CATSPERB: variants seen among roughly 807,000 people sequenced by gnomAD.
The protein encoded by CATSPERB is cation channel sperm-associated auxiliary subunit beta.
A neutral mutation model predicts 128.3 loss-of-function variants in CATSPERB; 93 were observed. The observed-to-expected ratio is 0.72, with a 90% CI of 0.61 to 0.86. CATSPERB has a LOEUF of 0.86. Ranked by LOEUF, CATSPERB falls within the 40% of genes least tolerant of loss-of-function variation. CATSPERB has a pLI of 0.00. For missense variants in CATSPERB, 1,153 were observed against 1,329.5 expected, an observed-to-expected ratio of 0.87 and a Z score of 2.06; for synonymous variants, 381 against 448.8, an observed-to-expected ratio of 0.85 and a Z score of 1.91.
intron 17 of CATSPERB, among the ~76,000 whole-genome samples, chr14:91,630,530 G>A (rs112575733): frequency 2.9e-4 from 44 of 152,204 alleles, no homozygotes; most frequent in African/African-American, 9.4e-4. Flanking sequence ...TTTTCGTCTC[G>A]GAAAATGGCG....
intron 10 of CATSPERB, among the ~76,000 whole-genome samples, chr14:91,690,534 C>T (rs1895448470): frequency 6.6e-6 from 1 of 152,212 alleles, no homozygotes; most frequent in Non-Finnish European, 1.5e-5. Context: ...ATTCTCTTTT[C>T]ACTCTCATTC....
chr14:91,649,486 CTTGTA>C (rs1215313633), intron 15 of CATSPERB, among the ~76,000 whole-genome samples: 1 of 146,938 alleles, frequency 6.8e-6, no homozygotes, highest in African/African-American at 2.6e-5. Flanking sequence ...CTTTTTAAGA[CTTGTA>C]TTGTACACAC....
intron 1 of CATSPERB, among the ~76,000 whole-genome samples, chr14:91,730,376 C>G (rs1896191949): frequency 6.6e-6 from 1 of 152,192 alleles, no homozygotes; most frequent in Non-Finnish European, 1.5e-5. Context: ...CAGTTCCTTC[C>G]TCATGGCCCT....
intron 6 of CATSPERB, among the ~76,000 whole-genome samples, chr14:91,706,602 T>A (rs1895736879): frequency 6.6e-6 from 1 of 152,134 alleles, no homozygotes; most frequent in South Asian, 2.1e-4. Context: ...AATGAGTGGT[T>A]TGGGGTGTGG....
intron 24 of CATSPERB, 94 bp downstream of exon 24, chr14:91,589,440 T>G: frequency 1.6e-6 from 2 of 1,262,118 alleles, no homozygotes; most frequent in East Asian, 4.9e-5. Flanking sequence ...TGGCTCTCTT[T>G]TGTGTGAACA....
intron 5 of CATSPERB, among the ~76,000 whole-genome samples, chr14:91,716,756 C>T (rs959282806): frequency 5.9e-5 from 9 of 151,410 alleles, no homozygotes; most frequent in Non-Finnish European, 1.2e-4. Flanking sequence ...CACAGACACA[C>T]ACACATACAC....
chr14:91,604,858 C>A lies in CATSPERB; in HGVS notation c.2709+3436G>T, dbSNP rs1595142397. 4 of 1,420,504 alleles carry A rather than the reference C, an allele frequency of 2.8e-6. No homozygotes were observed. In the East Asian group the frequency reaches 9.1e-5, roughly 32 times the overall value. The allele number at this position is 1,420,504 out of a possible 1,614,324, so 88.0% of individuals were successfully genotyped here. A position where few individuals can be genotyped will look rare whatever the true frequency, so the allele number is the denominator to read the frequency against. On this transcript the variant is annotated intron_variant, in intron 22 of 26. Coordinates refer to ENST00000256343, the MANE Select transcript of CATSPERB (RefSeq NM_024764.4). Reference sequence around the variant, plus strand: ...TGCTATTCTTTGGCCAGTTGTTTTCCTGCCACCTCTTAGATTTCATTCTCT... The same window carrying A: ...TGCTATTCTTTGGCCAGTTGTTTTCATGCCACCTCTTAGATTTCATTCTCT...
At chr14:91,630,112 T>C (rs1894247384) in intron 17 of CATSPERB, among the ~76,000 whole-genome samples, 1 of 152,212 alleles carries the variant, frequency 6.6e-6, no homozygotes, top group Non-Finnish European at 1.5e-5. Flanking sequence ...GGTCACATCT[T>C]TATTCTTATT....
intron 7 of CATSPERB, among the ~76,000 whole-genome samples, chr14:91,698,752 A>G (rs1157764047): frequency 6.6e-6 from 1 of 152,196 alleles, no homozygotes; most frequent in African/African-American, 2.4e-5. Context: ...TTTTTGTTAC[A>G]TGGATGAATT....
At chr14:91,712,711 G>C (rs1478169282) in intron 5 of CATSPERB, among the ~76,000 whole-genome samples, 1 of 152,002 alleles carries the variant, frequency 6.6e-6, no homozygotes, top group African/African-American at 2.4e-5. Context: ...CAGAATCAGG[G>C]GAGCCTACTC....
At chr14:91,679,612 C>G (rs1356573248) in intron 11 of CATSPERB, among the ~76,000 whole-genome samples, 1 of 152,142 alleles carries the variant, frequency 6.6e-6, no homozygotes, top group Non-Finnish European at 1.5e-5. Flanking sequence ...CTATGTTGCC[C>G]TTAAAGTCTT....
chr14:91,684,574 T>C (rs1895341272), intron 10 of CATSPERB, among the ~76,000 whole-genome samples: 1 of 151,608 alleles, frequency 6.6e-6, no homozygotes, highest in Non-Finnish European at 1.5e-5. Flanking sequence ...TGATATCTAA[T>C]GACAAAACTT....
At chr14:91,675,909 A>T (rs1293376311) in intron 11 of CATSPERB, among the ~76,000 whole-genome samples, 1 of 152,200 alleles carries the variant, frequency 6.6e-6, no homozygotes, top group Non-Finnish European at 1.5e-5. Flanking sequence ...TCTGTGGGTT[A>T]TCTAAATGGG....
intron 20 of CATSPERB, among the ~76,000 whole-genome samples, chr14:91,614,668 G>C (rs536594703): frequency 1.3e-3 from 198 of 152,008 alleles, no homozygotes; most frequent in African/African-American, 4.6e-3. Flanking sequence ...AGGCGTGGTG[G>C]GCCTGTAGTC....
At chr14:91,673,773 C>G (rs1895141964) in intron 12 of CATSPERB, among the ~76,000 whole-genome samples, 1 of 151,872 alleles carries the variant, frequency 6.6e-6, no homozygotes, top group Non-Finnish European at 1.5e-5. Context: ...GTCCCAGCTA[C>G]TTGGTATGCT....
chr14:91,693,310 G>T, intron 8 of CATSPERB, 66 bp from the exon 9 acceptor site: 1 of 1,541,528 alleles, frequency 6.5e-7, no homozygotes, highest in Non-Finnish European at 8.9e-7. Context: ...CTGAAGCAAA[G>T]ACATTTTATA....
Position 91,610,608 on chromosome 14 carries a change from T to G in CATSPERB, c.2470A>C (p.Thr824Pro). ...AGATAACTACAGCTGCTTTTCAGTG[T>G]TGGCACCATTGTCGTAACAAAGCAC... ...TECFVTTMVP[T>P]LKSSCSYLRS... Residue 824 changes from threonine to proline, a missense_variant, in exon 21 of 27, where the codon ACA becomes CCA. Transcript: ENST00000256343. 3.1e-6 allele frequency: 5 copies of G among 1,613,152 alleles called. No homozygotes were observed. In the South Asian group the frequency reaches 5.5e-5, roughly 18 times the overall value.
At chr14:91,591,441 C>T (rs1280904455) in intron 23 of CATSPERB, among the ~76,000 whole-genome samples, 1 of 151,976 alleles carries the variant, frequency 6.6e-6, no homozygotes, top group Non-Finnish European at 1.5e-5. Flanking sequence ...TCTTAACCAA[C>T]ATATTACACC....
At chr14:91,607,806 C>T (rs991437183) in intron 22 of CATSPERB, among the ~76,000 whole-genome samples, 21 of 152,182 alleles carry the variant, frequency 1.4e-4, no homozygotes, top group South Asian at 4.1e-4. Context: ...AGCTGCCCCA[C>T]GCTGCACTTT....
Sources: allele counts gnomAD v4.1 joint callset (sites outside exome capture counted in the v4.1 genomes callset), GRCh38; gene constraint gnomAD v4.1.1; transcripts MANE v1.5; gene names NCBI Gene and HGNC (gene_info 2026-07-23, HGNC 2026-07-21).